The following ALK variants were observed in gnomAD, a reference collection of about 807,000 sequenced individuals.
ALK encodes ALK receptor tyrosine kinase, also known as ALK tyrosine kinase receptor.
In ALK, 74 loss-of-function variants were observed where a neutral mutation model predicts 163.1. That is an observed-to-expected ratio of 0.45 (90% CI 0.38 to 0.55). The LOEUF (loss-of-function observed/expected upper bound fraction) is 0.55. Ranked by LOEUF, ALK falls within the 20% of genes least tolerant of loss-of-function variation. The pLI, the probability that ALK is intolerant of heterozygous loss-of-function variation, is 0.00. For synonymous variants in ALK, 960 were observed against 843.2 expected (o/e 1.14, Z -2.40); for missense variants, 2,063 against 2,105.3 (o/e 0.98, Z 0.39).
At chr2:29,785,501 T>C (rs1217253911) in intron 1 of ALK, among the ~76,000 whole-genome samples, 3 of 152,164 alleles carry the variant, frequency 2.0e-5, no homozygotes, top group Non-Finnish European at 4.4e-5. Flanking sequence ...AGCTCCCAAA[T>C]ACATCTGAAA....
intron 4 of ALK, among the ~76,000 whole-genome samples, chr2:29,510,230 A>T (rs1672473354): frequency 6.6e-6 from 1 of 152,194 alleles, no homozygotes; most frequent in South Asian, 2.1e-4. Context: ...TAATTCCTTC[A>T]TCTGGTCTGG....
chr2:29,554,433 C>T (rs1673792869), intron 3 of ALK, among the ~76,000 whole-genome samples: 1 of 152,168 alleles, frequency 6.6e-6, no homozygotes, highest in Admixed American at 6.5e-5. Flanking sequence ...GTCAGCCTTT[C>T]AGAGCACATT....
At chr2:29,478,515 C>T (rs1018652871) in intron 4 of ALK, among the ~76,000 whole-genome samples, 2 of 152,246 alleles carry the variant, frequency 1.3e-5, no homozygotes, top group Non-Finnish European at 2.9e-5. Context: ...ACTCCTCCTT[C>T]TTTCCATGAC....
At chr2:29,222,933 T>C (rs1669846455) in intron 20 of ALK, among the ~76,000 whole-genome samples, 1 of 152,126 alleles carries the variant, frequency 6.6e-6, no homozygotes, top group Non-Finnish European at 1.5e-5. Flanking sequence ...CGGGGGAGGT[T>C]CATGCTCCTT....
chr2:29,530,704 A>G (rs1159081632), intron 4 of ALK, among the ~76,000 whole-genome samples: 3 of 152,244 alleles, frequency 2.0e-5, no homozygotes, highest in Non-Finnish European at 4.4e-5. Flanking sequence ...GCTTGGTGCC[A>G]GAAGATAGCT....
chr2:29,904,380 T>C (rs898085288), intron 1 of ALK, among the ~76,000 whole-genome samples: 7 of 152,178 alleles, frequency 4.6e-5, no homozygotes, highest in South Asian at 2.1e-4. Context: ...AAGAATTATA[T>C]TGTGACCCTC....
chr2:29,407,872 T>A (rs1447493822), intron 4 of ALK, among the ~76,000 whole-genome samples: 1 of 152,146 alleles, frequency 6.6e-6, no homozygotes, highest in Non-Finnish European at 1.5e-5. Context: ...TTTTTCTACC[T>A]CATCTCTGGG....
intron 23 of ALK, among the ~76,000 whole-genome samples, chr2:29,217,199 T>G (rs1389970264): frequency 6.8e-6 from 1 of 147,812 alleles, no homozygotes. Context: ...GTGTGGTGTT[T>G]TGTGTGTGTT....
At chr2:29,729,131 G>A (rs1482498070) in intron 1 of ALK, among the ~76,000 whole-genome samples, 10 of 152,054 alleles carry the variant, frequency 6.6e-5, no homozygotes, top group Admixed American at 6.5e-4. Flanking sequence ...GCCTCCCCTC[G>A]CTCTGAAACC....
intron 11 of ALK, among the ~76,000 whole-genome samples, chr2:29,260,650 A>G (rs1005733336): frequency 2.0e-5 from 3 of 151,960 alleles, no homozygotes; most frequent in African/African-American, 7.3e-5. Context: ...CAGACTGGCC[A>G]ACGTGGTAAA....
intron 3 of ALK, among the ~76,000 whole-genome samples, chr2:29,682,832 G>A (rs555639129): frequency 6.6e-4 from 101 of 152,048 alleles, no homozygotes; most frequent in African/African-American, 2.4e-3. Context: ...CTCCTTCATT[G>A]CCTCTAGATG....
In ALK at chr2:29,572,560, C is replaced by G. The variant is rs942664462; in HGVS notation, c.953-40444G>C. Among the ~76,000 whole-genome samples, 4 of 152,158 alleles carry G rather than the reference C, an allele frequency of 2.6e-5. 1 individual carries two copies. Among genetic ancestry groups the G allele is most frequent in the African/African-American group, 9.6e-5 (4 of 41,452 alleles). ...CCAGGAAAATCCATCCCCTTTGTGG[C>G]GCCTATCTGGGTGGTTATTATATTC... On this transcript the variant is annotated intron_variant, in intron 3 of 28. Transcript: ENST00000389048.
chr2:29,879,815 A>G (rs1389217600), intron 1 of ALK, among the ~76,000 whole-genome samples: 1 of 152,240 alleles, frequency 6.6e-6, no homozygotes, highest in Non-Finnish European at 1.5e-5. Context: ...CCCTTTGGTA[A>G]GAAGCAGTCA....
Position 29,564,958 on chromosome 2 carries a change from C to A in ALK, c.953-32842G>T, listed in dbSNP as rs187961268. Among the ~76,000 whole-genome samples, 7 of 152,258 alleles carry A rather than the reference C, an allele frequency of 4.6e-5. No homozygotes were observed. In the East Asian group the frequency reaches 1.3e-3, roughly 29 times the overall value. On this transcript the variant is annotated intron_variant, in intron 3 of 28. Transcript: ENST00000389048. ...ATAACCAGGGCATTCACTAGAATACCCTTAGGGGTAACAGCACAGCAAGTG... is the reference window on the plus strand; with the variant it reads ...ATAACCAGGGCATTCACTAGAATACACTTAGGGGTAACAGCACAGCAAGTG...
chr2:29,215,937 C>T (rs921514972), intron 23 of ALK, among the ~76,000 whole-genome samples: 4 of 152,190 alleles, frequency 2.6e-5, no homozygotes, highest in Non-Finnish European at 2.9e-5. Flanking sequence ...CGCCAGCAGC[C>T]TCGGGCAGTG....
chr2:29,338,488 C>T (rs970038590), intron 5 of ALK, among the ~76,000 whole-genome samples: 1 of 152,136 alleles, frequency 6.6e-6, no homozygotes, highest in Admixed American at 6.6e-5. Context: ...AACTTTGTTC[C>T]GTTGTCTAGA....
chr2:29,448,927 G>A (rs1670753090), intron 4 of ALK, among the ~76,000 whole-genome samples: 1 of 152,156 alleles, frequency 6.6e-6, no homozygotes, highest in Admixed American at 6.5e-5. Flanking sequence ...CCCCAAGGCA[G>A]CTGACTCATC....
chr2:29,529,495 C>T (rs1006938414), intron 4 of ALK, among the ~76,000 whole-genome samples: 3 of 152,194 alleles, frequency 2.0e-5, no homozygotes, highest in African/African-American at 7.2e-5. Context: ...TACTGCAAAT[C>T]CAAAGATTCT....
intron 3 of ALK, among the ~76,000 whole-genome samples, chr2:29,554,517 A>C (rs940146067): frequency 1.4e-4 from 22 of 152,210 alleles, no homozygotes; most frequent in African/African-American, 4.6e-4. Flanking sequence ...ATTGGTCTTC[A>C]ATGCTTAAAA....
Sources: allele counts gnomAD v4.1 joint callset (sites outside exome capture counted in the v4.1 genomes callset), GRCh38; gene constraint gnomAD v4.1.1; transcripts MANE v1.5; gene names NCBI Gene and HGNC (gene_info 2026-07-23, HGNC 2026-07-21).